IRS2: variants seen among roughly 807,000 people sequenced by gnomAD.
The protein encoded by IRS2 is insulin receptor substrate 2.
A neutral mutation model predicts 70.9 loss-of-function variants in IRS2; 28 were observed. That is an observed-to-expected ratio of 0.39 (90% CI 0.29 to 0.54). The LOEUF (loss-of-function observed/expected upper bound fraction) is 0.54. IRS2 is among the 20% of genes least tolerant of loss of function. The pLI is 0.59. For synonymous variants in IRS2, 1,217 were observed against 981.9 expected (o/e 1.24, Z -4.48); for missense variants, 2,081 against 2,024.1 (o/e 1.03, Z -0.54).
At chr13:109,757,619 T>C (rs1877135331) in intron 1 of IRS2, among the ~76,000 whole-genome samples, 1 of 152,130 alleles carries the variant, frequency 6.6e-6, no homozygotes, top group African/African-American at 2.4e-5. Context: ...ATATACAAAG[T>C]GGACATTTTA....
rs1877560673 is a variant in IRS2, at chr13:109,775,799, C to T, written c.4012+6243G>A. ...ACACACACACACACACACACACACA[C>T]CAGCCCCAAATATTTGTTGCTGGAA... On this transcript the variant is annotated intron_variant, in intron 1 of 1. Transcript: ENST00000375856. 2.0e-5 allele frequency among the ~76,000 whole-genome samples: 3 copies of T among 148,898 alleles called. No homozygotes were observed. The South Asian group carries it at 6.4e-4, about 32-fold the overall frequency.
chr13:109,780,413 A>G (rs1393430343), intron 1 of IRS2, among the ~76,000 whole-genome samples: 1 of 152,220 alleles, frequency 6.6e-6, no homozygotes, highest in East Asian at 1.9e-4. Context: ...TGTTCACAGG[A>G]TACATTCTGG....
In IRS2 at chr13:109,782,596, G is replaced by A. The variant is rs986125580; in HGVS notation, c.3458C>T (p.Ser1153Phe). The change falls in exon 1 of 2, where the codon TCC becomes TTC. Residue 1153 changes from serine (S) to phenylalanine (F), a missense_variant. Transcript: ENST00000375856. ...GRRRHSSETF[S>F]STTTVTPVSP... ...CACGGGGGTGACCGTCGTGGTGGAG[G>A]AGAAGGTCTCGGAACTGTGGCGGCG... The A allele has an allele frequency of 1.9e-6, 3 of 1,578,764 alleles. No individual in the cohort carries two copies. The highest frequency in any genetic ancestry group is 2.3e-5 in the East Asian group (1 of 43,492).
rs1439099796 is a variant in IRS2, at chr13:109,783,986, A to G, written c.2068T>C (p.Leu690=). Reference sequence around the variant, plus strand: ...GCGGCGGCGGCGGCCCTGGGCTGCAAGATCTGCTTGGGGGCGGACACGCTG... The same window carrying G: ...GCGGCGGCGGCGGCCCTGGGCTGCAGGATCTGCTTGGGGGCGGACACGCTG... ...PASVSAPKQI[L]QPRAAAAAAA... Residue 690 remains leucine (L), a synonymous_variant, in exon 1 of 2, where the codon TTG becomes CTG. Transcript: ENST00000375856. 7 of 1,529,446 alleles carry G rather than the reference A, an allele frequency of 4.6e-6. No individual in the cohort carries two copies. In the South Asian group the frequency reaches 7.2e-5, roughly 16 times the overall value. 94.7% of individuals were successfully genotyped at this position (1,529,446 alleles called of 1,614,324 possible).
At chr13:109,760,554 T>C (rs1190035061) in intron 1 of IRS2, among the ~76,000 whole-genome samples, 1 of 152,210 alleles carries the variant, frequency 6.6e-6, no homozygotes, top group Non-Finnish European at 1.5e-5. Context: ...TGTCGTGCAG[T>C]GTATCCACTC....
intron 1 of IRS2, among the ~76,000 whole-genome samples, chr13:109,774,380 G>T (rs1877523988): frequency 6.6e-6 from 1 of 152,078 alleles, no homozygotes; most frequent in Non-Finnish European, 1.5e-5. Flanking sequence ...CCAAACCGGA[G>T]GATGTAAAAA....
intron 1 of IRS2, among the ~76,000 whole-genome samples, chr13:109,761,117 G>A (rs547611594): frequency 5.9e-5 from 9 of 152,258 alleles, no homozygotes; most frequent in South Asian, 2.1e-4. Flanking sequence ...CACCTGGGTC[G>A]TGGCAGCTCT....
intron 1 of IRS2, among the ~76,000 whole-genome samples, chr13:109,772,586 A>G (rs1378370205): frequency 6.6e-6 from 1 of 152,146 alleles, no homozygotes; most frequent in Non-Finnish European, 1.5e-5. Context: ...GGTGCTGGCC[A>G]GGAAGGAGGT....
Position 109,784,802 on chromosome 13 carries a change from G to C in IRS2, c.1252C>G (p.Leu418Val), listed in dbSNP as rs987067568. Reference protein sequence around the residue: ...GCGGRGSKVALLPAGGALQHS... With the variant: ...GCGGRGSKVAVLPAGGALQHS... The stretch of plus-strand genomic sequence containing the variant: ...TGCAGCGCGCCCCCTGCCGGCAGCA[G>C]CGCCACCTTGCTCCCGCGGCCGCCG... Residue 418 changes from leucine (L) to valine (V), a missense_variant, in exon 1 of 2, where the codon CTG becomes GTG. Leu to Val is a conservative substitution (Grantham distance 32). This residue lies in a region of IRS2 where 1,615 missense variants were observed against 1,459.5 expected (regional missense o/e 1.11). Transcript: ENST00000375856. The surrounding 1 kb of genome is among the most constrained non-coding windows in gnomAD (Gnocchi z 5.2). 4.7e-6 allele frequency: 6 copies of C among 1,274,384 alleles called. No homozygotes were observed. The highest frequency in any genetic ancestry group is 6.0e-6 in the Non-Finnish European group (6 of 1,004,448). 78.9% of individuals were successfully genotyped at this position (1,274,384 alleles called of 1,614,324 possible). A position where few individuals can be genotyped will look rare whatever the true frequency, so the allele number is the denominator to read the frequency against.
In IRS2 at chr13:109,782,041, C is replaced by G. The variant is rs371713406; in HGVS notation, c.4012+1G>C. 4.3e-6 allele frequency: 7 copies of G among 1,612,216 alleles called. No homozygotes were observed. The African/African-American group carries it at 6.7e-5, about 15-fold the overall frequency. ...GACGCCAAGGCAAAGGGCCTCCTCA[C>G]CTTTCACGATGGTGGCCTCCTTCAA... On this transcript the variant is annotated splice_donor_variant, in intron 1 of 1. Transcript: ENST00000375856. LOFTEE classifies it high-confidence loss of function.
intron 1 of IRS2, among the ~76,000 whole-genome samples, chr13:109,776,148 CA>C (rs34025950): frequency 0.27 from 30,021 of 110,612 alleles, 3,413 homozygotes; most frequent in African/African-American, 0.42. Flanking sequence ...GACTCCGTCT[CA>C]AAAAAAAAAA....
In IRS2 at chr13:109,754,288, G is replaced by C; in HGVS notation, c.*2016C>G. The C allele has an allele frequency of 4.4e-6, 1 of 227,656 alleles. No homozygotes were observed. Among genetic ancestry groups the C allele is most frequent in the Admixed American group, 5.7e-5 (1 of 17,602 alleles). 14.1% of individuals were successfully genotyped at this position (227,656 alleles called of 1,614,324 possible). ...GCCTTTTTGTGAAATGTACAGGATAGAGGAAAATTTAGCATATTATCATCT... is the reference window on the plus strand; with the variant it reads ...GCCTTTTTGTGAAATGTACAGGATACAGGAAAATTTAGCATATTATCATCT... On this transcript the variant is annotated 3_prime_UTR_variant, in exon 2 of 2. Coordinates refer to ENST00000375856, the MANE Select transcript of IRS2 (RefSeq NM_003749.3).
In IRS2 at chr13:109,785,208, G is replaced by T; in HGVS notation, c.846C>A (p.Asn282Lys). ...TGGCCTCCAGGATGGTCTCGTGGATGTTCTGCGCCACCACCGAGTCGTCCG... is the reference window on the plus strand; with the variant it reads ...TGGCCTCCAGGATGGTCTCGTGGATTTTCTGCGCCACCACCGAGTCGTCCG... ...MQADDSVVAQ[N>K]IHETILEAMK... The change falls in exon 1 of 2, where the codon AAC (asparagine) becomes AAA (lysine). Residue 282 changes from asparagine to lysine, a missense_variant. By Grantham distance (94) the Asn-to-Lys change is moderately conservative. Coordinates refer to ENST00000375856, the MANE Select transcript of IRS2 (RefSeq NM_003749.3). The surrounding 1 kb of genome is among the most constrained non-coding windows in gnomAD (Gnocchi z 9.3). 6.2e-7 allele frequency: 1 copy of T among 1,603,846 alleles called. No homozygotes were observed. Among genetic ancestry groups the T allele is most frequent in the East Asian group, 2.3e-5 (1 of 44,284 alleles).
In IRS2 at chr13:109,753,147, G is replaced by A. The variant is rs1877028122; in HGVS notation, c.*3157C>T. 1 of 152,092 alleles carries A rather than the reference G, an allele frequency of 6.6e-6. No individual in the cohort carries two copies. The highest frequency in any genetic ancestry group is 2.1e-4 in the South Asian group (1 of 4,812). The allele number at this position is 152,092 out of a possible 1,614,324, so 9.4% of individuals were successfully genotyped here. ...TGGCTAATTTTGTATTTTTAGTAGA[G>A]ACGGGGTTTCTCCATGTTGGTCAGG... On this transcript the variant is annotated 3_prime_UTR_variant, in exon 2 of 2. Coordinates refer to ENST00000375856, the MANE Select transcript of IRS2 (RefSeq NM_003749.3).
intron 1 of IRS2, among the ~76,000 whole-genome samples, chr13:109,778,409 T>C (rs932997043): frequency 3.3e-5 from 5 of 152,356 alleles, no homozygotes; most frequent in Non-Finnish European, 7.3e-5. Context: ...GTGACTTTCA[T>C]TCACGAAAGC....
In IRS2 at chr13:109,785,637, G is replaced by A; in HGVS notation, c.417C>T (p.Leu139=). ...EQEQEGWYRA[L]TDLVSEGRAA... ...CGCGGCCCTCGCTGACCAGGTCGGT[G>A]AGCGCGCGGTACCAGCCCTCCTGCT... Residue 139 remains leucine (L), a synonymous_variant, in exon 1 of 2, where the codon CTC becomes CTT. Coordinates refer to ENST00000375856, the MANE Select transcript of IRS2 (RefSeq NM_003749.3). This position sits in a 1 kb window ranked among gnomAD's most constrained non-coding sequence, Gnocchi z 9.3. 1.3e-6 allele frequency: 2 copies of A among 1,546,592 alleles called. No individual in the cohort carries two copies.
At chr13:109,770,928 T>C (rs1312044001) in intron 1 of IRS2, among the ~76,000 whole-genome samples, 2 of 152,238 alleles carry the variant, frequency 1.3e-5, no homozygotes, top group African/African-American at 2.4e-5. Context: ...CACAGATGAA[T>C]GTGTATCACC....
rs920558285 is a variant in IRS2 at position 109,782,316 on chromosome 13, G to A, written c.3738C>T (p.Gly1246=). 23 of 1,611,650 alleles carry A rather than the reference G, an allele frequency of 1.4e-5. No homozygotes were observed. The highest frequency in any genetic ancestry group is 2.2e-5 in the East Asian group (1 of 44,800). ...GSPMRRETSA[G]FQNGLNYIAI... ...CGATGTAGTTGAGACCATTCTGGAA[G>A]CCGGCAGAGGTCTCTCTGCGCATGG... Residue 1246 remains glycine (G), a synonymous_variant, in exon 1 of 2, where the codon GGC becomes GGT. Coordinates refer to ENST00000375856, the MANE Select transcript of IRS2 (RefSeq NM_003749.3).
At position 109,785,864 on chromosome 13, in the gene IRS2, C is replaced by T. The variant is rs756734259; in HGVS notation, c.190G>A (p.Gly64Arg). 6.6e-6 allele frequency: 10 copies of T among 1,510,558 alleles called. No individual in the cohort carries two copies. Among genetic ancestry groups the T allele is most frequent in the Non-Finnish European group, 8.8e-6 (10 of 1,134,248 alleles). The allele number at this position is 1,510,558 out of a possible 1,614,324, so 93.6% of individuals were successfully genotyped here. ...GAGGDEATAG[G>R]GSAPQPPRLE... ...CGCGGCGGTTGCGGCGCCGACCCCC[C>T]GCCCGCCGTCGCCTCGTCGCCGCCC... Residue 64 changes from glycine to arginine, a missense_variant, in exon 1 of 2, where the codon GGG (glycine) becomes AGG (arginine). This residue lies in a region of IRS2 where 320 missense variants were observed against 352.9 expected (regional missense o/e 0.91). Transcript: ENST00000375856. This position sits in a 1 kb window ranked among gnomAD's most constrained non-coding sequence, Gnocchi z 9.3.
Sources: allele counts gnomAD v4.1 joint callset (sites outside exome capture counted in the v4.1 genomes callset), GRCh38; gene constraint gnomAD v4.1.1; regional missense constraint gnomAD v4.1.1; non-coding constraint Gnocchi (gnomAD v3.1); transcripts MANE v1.5; gene names NCBI Gene and HGNC (gene_info 2026-07-23, HGNC 2026-07-21).